Variants in PTPRT observed in about 807,000 individuals in gnomAD.
PTPRT encodes the protein receptor-type tyrosine-protein phosphatase T.
In PTPRT, 56 loss-of-function variants were observed where a neutral mutation model predicts 176.8. The observed-to-expected ratio is 0.32, with a 90% confidence interval of 0.26 to 0.40. PTPRT has a LOEUF of 0.40. Ranked by LOEUF, PTPRT falls within the 10% of genes least tolerant of loss-of-function variation. The pLI is 1.00. For missense variants in PTPRT, 1,540 were observed against 1,908.2 expected, an observed-to-expected ratio of 0.81 and a Z score of 3.60; for synonymous variants, 783 against 739.0, an observed-to-expected ratio of 1.06 and a Z score of -0.96.
chr20:42,523,505 A>G (rs965231711), intron 7 of PTPRT, among the ~76,000 whole-genome samples: 2 of 152,126 alleles, frequency 1.3e-5, no homozygotes, highest in African/African-American at 4.8e-5. Context: ...AATATTGTTC[A>G]TGGGGTTTTG....
chr20:42,369,574 G>C (rs571937031), intron 9 of PTPRT, among the ~76,000 whole-genome samples: 23 of 152,318 alleles, frequency 1.5e-4, no homozygotes, highest in African/African-American at 5.1e-4. Flanking sequence ...AAAGGTGCCA[G>C]AGCTCAAAGG....
chr20:42,226,052 G>C (rs2056003327), intron 15 of PTPRT, among the ~76,000 whole-genome samples: 1 of 152,178 alleles, frequency 6.6e-6, no homozygotes, highest in Admixed American at 6.5e-5. Context: ...AATAGAATCA[G>C]TGACTTCCTT....
the PTPRT span, among the ~76,000 whole-genome samples, chr20:42,056,596 T>A: frequency 2.0e-5 from 3 of 152,202 alleles, no homozygotes; most frequent in Non-Finnish European, 4.4e-5. Context: ...ATGCTGTGCA[T>A]CCCTGTGTGG....
chr20:42,775,873 G>A (rs914007015), intron 4 of PTPRT, among the ~76,000 whole-genome samples: 2 of 152,182 alleles, frequency 1.3e-5, no homozygotes, highest in African/African-American at 4.8e-5. Flanking sequence ...TTTTTGAATT[G>A]AACGCATATA....
At chr20:42,893,375 G>A (rs1019703805) in intron 1 of PTPRT, among the ~76,000 whole-genome samples, 4 of 152,116 alleles carry the variant, frequency 2.6e-5, no homozygotes, top group African/African-American at 9.7e-5. Context: ...GTGCTGGAGA[G>A]GATGTGGAGA....
rs1315445238 is a variant in PTPRT at position 42,924,913 on chromosome 20, T to C, written c.89-38981A>G. Among the ~76,000 whole-genome samples, 6 of 152,208 alleles carry C rather than the reference T, an allele frequency of 3.9e-5. No homozygotes were observed. The East Asian group carries it at 1.2e-3, about 29-fold the overall frequency. ...CTGTGCTCCAGGGACTCTGATTCAATAGTTCAGGGGTTGGACTTGAGCATC... is the reference window on the plus strand; with the variant it reads ...CTGTGCTCCAGGGACTCTGATTCAACAGTTCAGGGGTTGGACTTGAGCATC... On this transcript the variant is annotated intron_variant, in intron 1 of 30. Transcript: ENST00000373187.
At chr20:42,110,117 G>A (rs942169800) in intron 23 of PTPRT, among the ~76,000 whole-genome samples, 1 of 150,856 alleles carries the variant, frequency 6.6e-6, no homozygotes, top group Non-Finnish European at 1.5e-5. Flanking sequence ...CGCGATCTTG[G>A]CTCACTGCAA....
chr20:42,196,017 T>TCAGTATTA, intron 16 of PTPRT, among the ~76,000 whole-genome samples: 1 of 152,280 alleles, frequency 6.6e-6, no homozygotes, highest in Admixed American at 6.5e-5. Flanking sequence ...ACATAAGAAA[T>TCAGTATTA]CAGTATTACC....
intron 11 of PTPRT, among the ~76,000 whole-genome samples, chr20:42,342,367 G>C (rs139039747): frequency 3.3e-3 from 504 of 152,256 alleles, no homozygotes; most frequent in Middle Eastern, 6.8e-3. Context: ...GCTAAAAGTG[G>C]TGTTAACAAA....
At chr20:42,741,982 TTAACTA>T (rs566982934) in intron 6 of PTPRT, among the ~76,000 whole-genome samples, 13 of 152,196 alleles carry the variant, frequency 8.5e-5, no homozygotes, top group Admixed American at 2.0e-4. Context: ...GGTCACTTAA[TTAACTA>T]TATTACCCTA....
chr20:42,943,368 G>C (rs893847628), intron 1 of PTPRT, among the ~76,000 whole-genome samples: 2 of 152,196 alleles, frequency 1.3e-5, no homozygotes, highest in African/African-American at 4.8e-5. Context: ...GAAGGGATAC[G>C]CACGCAGAGC....
intron 2 of PTPRT, among the ~76,000 whole-genome samples, chr20:42,816,383 C>T (rs2077786153): frequency 6.6e-6 from 1 of 152,164 alleles, no homozygotes; most frequent in Non-Finnish European, 1.5e-5. Flanking sequence ...AAACAATTTA[C>T]ACAGTAAGAA....
chr20:42,141,809 C>T (rs954089928), intron 18 of PTPRT, 106 bp downstream of exon 18: 2 of 1,078,952 alleles, frequency 1.9e-6, no homozygotes, highest in Non-Finnish European at 1.4e-6. Context: ...AAGCTAGAGA[C>T]AGCAAAGATT....
chr20:43,030,304 C>T (rs1282973021), intron 1 of PTPRT, among the ~76,000 whole-genome samples: 2 of 152,174 alleles, frequency 1.3e-5, no homozygotes, highest in East Asian at 1.9e-4. Context: ...TGAAGGAAGC[C>T]ATTGCTCTGT....
chr20:42,634,014 A>AT lies in PTPRT; in HGVS notation c.1153+43851dup, dbSNP rs1569038362. The stretch of plus-strand genomic sequence containing the variant: ...ATTATATATATTATATATATATAAT[A>AT]TATATATAATATATATATTATATAT... On this transcript the variant is annotated intron_variant, in intron 7 of 30. Coordinates refer to ENST00000373187, the MANE Select transcript of PTPRT (RefSeq NM_007050.6). Among the ~76,000 whole-genome samples the AT allele has an allele frequency of 7.2e-3, 205 of 28,464 alleles. 31 individuals carry two copies. The highest frequency in any genetic ancestry group is 0.035 in the African/African-American group (196 of 5,548). 18.7% of individuals were successfully genotyped at this position (28,464 alleles called of 152,430 possible).
chr20:42,158,000 C>T (rs1012241918), intron 17 of PTPRT, among the ~76,000 whole-genome samples: 4 of 152,208 alleles, frequency 2.6e-5, no homozygotes, highest in African/African-American at 9.6e-5. Context: ...AAGACATGTT[C>T]AGATGATTCC....
chr20:43,064,993 C>A (rs1345336507), intron 1 of PTPRT, among the ~76,000 whole-genome samples: 2 of 152,154 alleles, frequency 1.3e-5, no homozygotes, highest in East Asian at 3.8e-4. Context: ...TTGCCCTCAT[C>A]GGTGATGATG....
At chr20:42,663,511 G>A (rs2075262250) in intron 7 of PTPRT, among the ~76,000 whole-genome samples, 1 of 152,102 alleles carries the variant, frequency 6.6e-6, no homozygotes, top group African/African-American at 2.4e-5. Flanking sequence ...GTTCAGTTAG[G>A]GGAGCCAGAA....
At chr20:43,180,369 C>CTCTCTCTCTA (rs1208040640) in intron 1 of PTPRT, among the ~76,000 whole-genome samples, 2 of 151,238 alleles carry the variant, frequency 1.3e-5, no homozygotes, top group Admixed American at 1.3e-4. Flanking sequence ...CTCTCTCTCT[C>CTCTCTCTCTA]TCTGCCCCCA....
Sources: allele counts gnomAD v4.1 joint callset (sites outside exome capture counted in the v4.1 genomes callset), GRCh38; gene constraint gnomAD v4.1.1; transcripts MANE v1.5; gene names NCBI Gene and HGNC (gene_info 2026-07-23, HGNC 2026-07-21).